Variants in PTPRT observed in about 807,000 individuals in gnomAD.
PTPRT encodes receptor-type tyrosine-protein phosphatase T.
A neutral mutation model predicts 176.8 loss-of-function variants in PTPRT; 56 were observed. That is an observed-to-expected ratio of 0.32 (90% CI 0.26 to 0.40). The LOEUF (loss-of-function observed/expected upper bound fraction) is 0.40, where lower values mean the gene tolerates loss of function less well. PTPRT is among the 10% of genes least tolerant of loss of function. The probability of loss-of-function intolerance (pLI) is 1.00; values close to 1 mark genes in which losing one functional copy is unlikely to be tolerated. For synonymous variants in PTPRT, 783 were observed against 739.0 expected (o/e 1.06, Z -0.96); for missense variants, 1,540 against 1,908.2 (o/e 0.81, Z 3.60).
intron 7 of PTPRT, among the ~76,000 whole-genome samples, chr20:42,550,527 T>C (rs139291196): frequency 6.6e-6 from 1 of 152,072 alleles, no homozygotes; most frequent in African/African-American, 2.4e-5. Context: ...AACCAGTGAA[T>C]AGCAGACCTA....
At chr20:42,477,942 CG>C (rs1462419022) in intron 7 of PTPRT, among the ~76,000 whole-genome samples, 3 of 151,936 alleles carry the variant, frequency 2.0e-5, no homozygotes, top group Admixed American at 6.6e-5. Context: ...AGCAAGGGAT[CG>C]GGGGCCAATG....
Position 42,080,024 on chromosome 20 carries a change from G to A in PTPRT, c.*855C>T, listed in dbSNP as rs1237931440. On this transcript the variant is annotated 3_prime_UTR_variant, in exon 31 of 31. Transcript: ENST00000373187. ...AAAATAATCAAATCTTATCTTGTTT[G>A]TCTCTTCCAAAGAAAGCTACCACCA... is the stretch of plus-strand genomic sequence containing the variant. 4.3e-6 allele frequency: 1 copy of A among 231,000 alleles called. No homozygotes were observed. Among genetic ancestry groups the A allele is most frequent in the African/African-American group, 2.2e-5 (1 of 45,202 alleles). 14.3% of individuals were successfully genotyped at this position (231,000 alleles called of 1,614,324 possible). A position where few individuals can be genotyped will look rare whatever the true frequency, so the allele number is the denominator to read the frequency against.
At chr20:42,118,576 G>A in intron 20 of PTPRT, 76 bp from the exon 21 acceptor site, 1 of 1,299,124 alleles carries the variant, frequency 7.7e-7, no homozygotes. Flanking sequence ...CCCCCCGGTT[G>A]GTCAAGTCTC....
chr20:42,984,867 T>G (rs1447139980), intron 1 of PTPRT, among the ~76,000 whole-genome samples: 2 of 152,182 alleles, frequency 1.3e-5, no homozygotes, highest in Non-Finnish European at 2.9e-5. Flanking sequence ...GTTAAAGGAA[T>G]GAATGCATAG....
At chr20:42,228,322 T>C (rs1226379658) in intron 15 of PTPRT, among the ~76,000 whole-genome samples, 2 of 152,244 alleles carry the variant, frequency 1.3e-5, no homozygotes, top group Middle Eastern at 3.2e-3. Flanking sequence ...CTGATTAAAG[T>C]GACAGAGCCT....
At chr20:43,167,119 T>G (rs992546259) in intron 1 of PTPRT, among the ~76,000 whole-genome samples, 1 of 152,190 alleles carries the variant, frequency 6.6e-6, no homozygotes, top group Non-Finnish European at 1.5e-5. Context: ...AAGCCTTTAC[T>G]CTTGACAGGT....
chr20:42,595,832 C>T (rs1300654480), intron 7 of PTPRT, among the ~76,000 whole-genome samples: 1 of 152,134 alleles, frequency 6.6e-6, no homozygotes, highest in Non-Finnish European at 1.5e-5. Context: ...GGCACCTCAC[C>T]CCCACACCTG....
At chr20:42,310,337 A>G (rs1277887264) in intron 12 of PTPRT, among the ~76,000 whole-genome samples, 1 of 152,160 alleles carries the variant, frequency 6.6e-6, no homozygotes, top group Admixed American at 6.5e-5. Context: ...AAAAGAAGTA[A>G]TAGCATGTTA....
chr20:42,350,227 T>TTG (rs1555830557), intron 11 of PTPRT, among the ~76,000 whole-genome samples: 50 of 115,234 alleles, frequency 4.3e-4, no homozygotes, highest in African/African-American at 1.7e-3. Flanking sequence ...TTTTTTTTTT[T>TTG]TTTTTTTTTT....
chr20:43,027,805 A>G (rs1358145111), intron 1 of PTPRT, among the ~76,000 whole-genome samples: 2 of 152,166 alleles, frequency 1.3e-5, no homozygotes, highest in Non-Finnish European at 2.9e-5. Context: ...CACTTCTATT[A>G]CCTACACAGC....
At chr20:43,003,482 T>C (rs961870020) in intron 1 of PTPRT, among the ~76,000 whole-genome samples, 2 of 152,162 alleles carry the variant, frequency 1.3e-5, no homozygotes, top group African/African-American at 4.8e-5. Context: ...GATTATAGGC[T>C]TGAGAAACCA....
intron 1 of PTPRT, among the ~76,000 whole-genome samples, chr20:42,984,472 A>G (rs1983460768): frequency 6.6e-6 from 1 of 152,208 alleles, no homozygotes. Flanking sequence ...GAGCTTTCTC[A>G]TTATTCTAAT....
chr20:42,378,910 G>C (rs537114844), intron 9 of PTPRT, among the ~76,000 whole-genome samples: 17 of 152,148 alleles, frequency 1.1e-4, no homozygotes, highest in Non-Finnish European at 2.1e-4. Flanking sequence ...CTCATTTAGA[G>C]AAAAAAGAAA....
chr20:42,581,724 A>C (rs1265556212), intron 7 of PTPRT, among the ~76,000 whole-genome samples: 1 of 152,200 alleles, frequency 6.6e-6, no homozygotes, highest in Non-Finnish European at 1.5e-5. Flanking sequence ...GGGAAGAGAA[A>C]ATTGCATTGC....
chr20:42,654,537 G>T (rs1038179567), intron 7 of PTPRT, among the ~76,000 whole-genome samples: 1 of 152,132 alleles, frequency 6.6e-6, no homozygotes, highest in East Asian at 1.9e-4. Context: ...ACTACAGAGA[G>T]GGGTAGGGAC....
chr20:42,315,455 C>A (rs73273128), intron 12 of PTPRT, among the ~76,000 whole-genome samples: 1 of 152,198 alleles, frequency 6.6e-6, no homozygotes, highest in African/African-American at 2.4e-5. Context: ...ATGTAAAAAG[C>A]CATATAATAA....
At chr20:42,533,188 C>G (rs1207356541) in intron 7 of PTPRT, among the ~76,000 whole-genome samples, 1 of 152,160 alleles carries the variant, frequency 6.6e-6, no homozygotes, top group Admixed American at 6.5e-5. Context: ...AGGCCAAAGG[C>G]TGAGAAATTG....
intron 7 of PTPRT, among the ~76,000 whole-genome samples, chr20:42,648,820 G>GTTGTTTTTTTTTTTTT (rs1310734163): frequency 8.9e-6 from 1 of 111,834 alleles, no homozygotes; most frequent in African/African-American, 3.7e-5. Context: ...TGGTGTCGTT[G>GTTGTTTTTTTTTTTTT]TTTTTTTTTT....
intron 16 of PTPRT, among the ~76,000 whole-genome samples, chr20:42,178,739 T>A (rs1486115052): frequency 1.3e-5 from 2 of 152,198 alleles, no homozygotes; most frequent in African/African-American, 4.8e-5. Context: ...GGGAGAGAAT[T>A]CAAGTTAACT....
Sources: gnomAD v4.1 joint callset for allele counts (sites outside exome capture counted in the v4.1 genomes callset) on GRCh38, gnomAD v4.1.1 for gene constraint, MANE v1.5 for transcripts, NCBI Gene and HGNC (gene_info 2026-07-23, HGNC 2026-07-21) for gene names.